BTBD10: variants seen among roughly 807,000 people sequenced by gnomAD.
BTBD10 encodes BTB domain containing 10, also known as BTB/POZ domain-containing protein 10.
Under a neutral mutation model 53.2 loss-of-function variants are expected in BTBD10, and 21 were observed. The ratio of observed to expected loss-of-function variants is 0.39; its 90% CI spans 0.28 to 0.57. The LOEUF is 0.57. BTBD10 is among the 20% of genes least tolerant of loss of function. The pLI is 0.53. For synonymous variants in BTBD10, 149 were observed against 192.7 expected (o/e 0.77, Z 1.88); for missense variants, 360 against 594.7 (o/e 0.61, Z 4.10).
chr11:13,389,250 C>T, intron 8 of BTBD10, 109 bp from the exon 9 acceptor site: 1 of 889,214 alleles, frequency 1.1e-6, no homozygotes, highest in Non-Finnish European at 1.7e-6. Context: ...AAATTTAAAA[C>T]AAAGAAGTGA....
At chr11:13,433,039 A>G (rs532543062) in intron 2 of BTBD10, among the ~76,000 whole-genome samples, 1 of 152,268 alleles carries the variant, frequency 6.6e-6, no homozygotes, top group East Asian at 1.9e-4. Flanking sequence ...GTAAAAAACT[A>G]TATGTCTCCA....
intron 1 of BTBD10, among the ~76,000 whole-genome samples, chr11:13,451,119 CAT>C (rs2134047679): frequency 6.6e-6 from 1 of 152,226 alleles, no homozygotes; most frequent in Non-Finnish European, 1.5e-5. Flanking sequence ...AAAATCTGAG[CAT>C]AAACTCTGCT....
chr11:13,417,127 G>T (rs1189004275), intron 5 of BTBD10, 31 bp downstream of exon 5: 2 of 1,530,752 alleles, frequency 1.3e-6, no homozygotes, highest in African/African-American at 2.8e-5. Flanking sequence ...GGCGTCTTAT[G>T]ATTAAGTCAA....
chr11:13,432,689 AAAATT>A (rs1216382526), intron 2 of BTBD10, among the ~76,000 whole-genome samples: 3 of 152,146 alleles, frequency 2.0e-5, no homozygotes, highest in Non-Finnish European at 4.4e-5. Flanking sequence ...CAATTTTAAA[AAAATT>A]AAAGAATAAG....
At position 13,430,974 on chromosome 11, in the gene BTBD10, T is replaced by TACAC. The variant is rs3046409; in HGVS notation, c.102-9140_102-9137dup. ...TATGGTAAGGTTTTATGGAGATACATACACACACACACACACACACACACA... is the reference window on the plus strand; with the variant it reads ...TATGGTAAGGTTTTATGGAGATACATACACACACACACACACACACACACACACA... On this transcript the variant is annotated intron_variant, in intron 2 of 8. Coordinates refer to ENST00000278174, the MANE Select transcript of BTBD10 (RefSeq NM_032320.7). Among the ~76,000 whole-genome samples the TACAC allele has an allele frequency of 5.5e-3, 791 of 144,408 alleles. 7 individuals carry two copies. Among genetic ancestry groups the TACAC allele is most frequent in the Middle Eastern group, 0.017 (5 of 288 alleles). 94.7% of individuals were successfully genotyped at this position (144,408 alleles called of 152,430 possible). A position where few individuals can be genotyped will look rare whatever the true frequency, so the allele number is the denominator to read the frequency against.
At chr11:13,428,709 T>C (rs1950392843) in intron 2 of BTBD10, among the ~76,000 whole-genome samples, 1 of 152,110 alleles carries the variant, frequency 6.6e-6, no homozygotes, top group Non-Finnish European at 1.5e-5. Flanking sequence ...ATGCTCTCCA[T>C]CTAAAATCAG....
chr11:13,457,710 G>A (rs1006528184), intron 1 of BTBD10, among the ~76,000 whole-genome samples: 2 of 152,040 alleles, frequency 1.3e-5, no homozygotes, highest in East Asian at 1.9e-4. Flanking sequence ...GTTCTCTTTC[G>A]ATATACTTTA....
intron 2 of BTBD10, among the ~76,000 whole-genome samples, chr11:13,424,730 C>A (rs540395303): frequency 6.6e-6 from 1 of 152,218 alleles, no homozygotes; most frequent in Non-Finnish European, 1.5e-5. Flanking sequence ...ATACTCTTGT[C>A]TGAAACAACC....
intron 2 of BTBD10, among the ~76,000 whole-genome samples, chr11:13,433,961 G>A: frequency 6.6e-6 from 1 of 152,010 alleles, no homozygotes; most frequent in African/African-American, 2.4e-5. Flanking sequence ...AGTTTCCCAA[G>A]GAATAAATGC....
At chr11:13,437,826 C>A (rs1950571370) in intron 2 of BTBD10, among the ~76,000 whole-genome samples, 1 of 152,130 alleles carries the variant, frequency 6.6e-6, no homozygotes, top group South Asian at 2.1e-4. Context: ...CAGAATCTCC[C>A]ATCTTTTAGC....
chr11:13,432,687 A>G (rs1279658445), intron 2 of BTBD10, among the ~76,000 whole-genome samples: 1 of 152,138 alleles, frequency 6.6e-6, no homozygotes, highest in Non-Finnish European at 1.5e-5. Flanking sequence ...TGCAATTTTA[A>G]AAAAATTAAA....
chr11:13,429,863 C>T (rs748726511), intron 2 of BTBD10, among the ~76,000 whole-genome samples: 3 of 152,054 alleles, frequency 2.0e-5, no homozygotes, highest in Non-Finnish European at 2.9e-5. Context: ...CAGCACCTTG[C>T]GAGGTTGAGG....
At chr11:13,457,676 T>C (rs931094046) in intron 1 of BTBD10, among the ~76,000 whole-genome samples, 18 of 152,124 alleles carry the variant, frequency 1.2e-4, no homozygotes, top group African/African-American at 3.4e-4. Context: ...GTGAAGGTAA[T>C]AGGGATGTAA....
chr11:13,408,809 G>A (rs1467453637), intron 6 of BTBD10, among the ~76,000 whole-genome samples: 2 of 152,110 alleles, frequency 1.3e-5, no homozygotes, highest in East Asian at 1.9e-4. Flanking sequence ...TCTCATACCT[G>A]GACTTTGACA....
intron 1 of BTBD10, among the ~76,000 whole-genome samples, chr11:13,461,218 C>A (rs1229697003): frequency 6.6e-6 from 1 of 152,158 alleles, no homozygotes; most frequent in Non-Finnish European, 1.5e-5. Context: ...GAGAATACAA[C>A]TATGGACAGG....
chr11:13,442,065 A>G (rs892993271), intron 2 of BTBD10, among the ~76,000 whole-genome samples: 3 of 152,196 alleles, frequency 2.0e-5, no homozygotes, highest in Non-Finnish European at 4.4e-5. Context: ...AAAGCCAAGA[A>G]AATAAGAGAT....
chr11:13,392,956 G>A (rs190021907), intron 8 of BTBD10, among the ~76,000 whole-genome samples: 1 of 152,314 alleles, frequency 6.6e-6, no homozygotes, highest in African/African-American at 2.4e-5. Flanking sequence ...TCTGCTCGAT[G>A]GGGTAGCAGT....
chr11:13,459,524 G>A (rs1291690294), intron 1 of BTBD10: 3 of 152,130 alleles, frequency 2.0e-5, no homozygotes, highest in Non-Finnish European at 2.9e-5. Flanking sequence ...AACAGGAGAA[G>A]GTAACATCTG....
intron 8 of BTBD10, among the ~76,000 whole-genome samples, chr11:13,395,279 TTC>T (rs1193716652): frequency 6.6e-6 from 1 of 152,140 alleles, no homozygotes; most frequent in African/African-American, 2.4e-5. Flanking sequence ...TGATTTGCAT[TTC>T]TCTGATGGCC....
Sources: allele counts gnomAD v4.1 joint callset (sites outside exome capture counted in the v4.1 genomes callset), GRCh38; gene constraint gnomAD v4.1.1; transcripts MANE v1.5; gene names NCBI Gene and HGNC (gene_info 2026-07-23, HGNC 2026-07-21).